The following LACTBL1 variants were observed in gnomAD, a reference collection of about 807,000 sequenced individuals.
The protein encoded by LACTBL1 is beta-lactamase-like protein 1.
In LACTBL1, 29 loss-of-function variants were observed where a neutral mutation model predicts 39.6. The ratio of observed to expected loss-of-function variants is 0.73; its 90% CI spans 0.55 to 1.00. The LOEUF (loss-of-function observed/expected upper bound fraction) is 1.00, where lower values mean the gene tolerates loss of function less well. LACTBL1 is among the 50% of genes least tolerant of loss of function. The probability of loss-of-function intolerance (pLI) is 0.00; values close to 1 mark genes in which losing one functional copy is unlikely to be tolerated. For synonymous variants in LACTBL1, 361 were observed against 360.7 expected (o/e 1.00, Z -0.01); for missense variants, 711 against 748.5 (o/e 0.95, Z 0.59).
intron 1 of LACTBL1, 34 bp from the exon 4 acceptor site, chr1:22,963,250 G>A (rs1640844081): frequency 2.5e-6 from 3 of 1,208,078 alleles, no homozygotes; most frequent in Non-Finnish European, 2.2e-6. Context: ...GGAGGGGACA[G>A]AGATCAGGAT....
In LACTBL1 at chr1:22,958,775, G is replaced by A; in HGVS notation, c.463C>T (p.Gln155Ter). 6.4e-7 allele frequency: 1 copy of A among 1,550,676 alleles called. No homozygotes were observed. The highest frequency in any genetic ancestry group is 8.7e-7 in the Non-Finnish European group (1 of 1,147,014). ...TCCAGCCCGTCCATCAGGCCCTGCT[G>A]TTCGGCTGATGCCAGGCCCAGCGGG... Residue 155 changes from glutamine to a stop codon, truncating the protein, a stop_gained, in exon 4 of 6, where the codon CAG (glutamine) becomes TAG (stop). Transcript: ENST00000426928. LOFTEE classifies it high-confidence loss of function.
upstream of LACTBL1, among the ~76,000 whole-genome samples, chr1:22,967,664 C>G (rs1044423336): frequency 9.9e-5 from 15 of 151,738 alleles, no homozygotes; most frequent in African/African-American, 2.2e-4. Flanking sequence ...GAGAGAGAGA[C>G]AGACAGACAG....
chr1:22,956,202 A>G (rs932959123), intron 4 of LACTBL1, among the ~76,000 whole-genome samples: 7 of 151,986 alleles, frequency 4.6e-5, no homozygotes, highest in Non-Finnish European at 8.8e-5. Flanking sequence ...GCAAGACCCT[A>G]TGTCTACAAA....
chr1:22,958,822 G>A (rs1640787592), exon 4 of LACTBL1: 2 of 1,550,644 alleles, frequency 1.3e-6, no homozygotes, highest in African/African-American at 1.4e-5. Flanking sequence ...GAAGGTGCTG[G>A]CATACCGCTC....
chr1:22,965,130 G>A (rs1640863614), intron 1 of LACTBL1, among the ~76,000 whole-genome samples, 160 bp downstream of exon 3: 2 of 152,164 alleles, frequency 1.3e-5, no homozygotes, highest in African/African-American at 4.8e-5. Context: ...CTGTCCCAAA[G>A]ATGCACAGCT....
intron 1 of LACTBL1, among the ~76,000 whole-genome samples, chr1:22,964,457 C>G (rs1478111265): frequency 6.6e-6 from 1 of 152,218 alleles, no homozygotes; most frequent in Non-Finnish European, 1.5e-5. Context: ...CTCAACCCGA[C>G]CCCCAAGCCG....
upstream of LACTBL1, chr1:22,965,542 A>T (rs1453394896): frequency 2.6e-6 from 1 of 379,400 alleles, no homozygotes; most frequent in Admixed American, 6.4e-5. Context: ...AAGAGCCCAC[A>T]GCTTTGGATA....
the LACTBL1 span, among the ~76,000 whole-genome samples, chr1:22,971,751 A>T: frequency 6.6e-6 from 1 of 152,354 alleles, no homozygotes. Flanking sequence ...TGCCGTTACT[A>T]GTTCTGGACA....
exon 4 of LACTBL1, chr1:22,958,749 C>T: frequency 6.4e-7 from 1 of 1,550,650 alleles, no homozygotes; most frequent in Non-Finnish European, 8.7e-7. Flanking sequence ...GGCCCACCTG[C>T]TCCAGCCCGT....
exon 6 of LACTBL1, chr1:22,953,859 C>T: frequency 1.9e-6 from 3 of 1,548,708 alleles, no homozygotes; most frequent in South Asian, 1.2e-5. Flanking sequence ...CGTAGAAGCC[C>T]GCGGCCAGGC....
chr1:22,961,810 G>C (rs555498991), intron 2 of LACTBL1, among the ~76,000 whole-genome samples: 1 of 151,348 alleles, frequency 6.6e-6, no homozygotes, highest in East Asian at 2.0e-4. Flanking sequence ...GCAGTGGCAC[G>C]ATCTCGGCTC....
chr1:22,953,601 G>A, exon 6 of LACTBL1: 1 of 1,259,736 alleles, frequency 7.9e-7, no homozygotes, highest in South Asian at 3.4e-5. Flanking sequence ...CGCCGTCCTT[G>A]CGCACCACGC....
chr1:22,967,544 TTC>T (rs140922491), upstream of LACTBL1, among the ~76,000 whole-genome samples: 2 of 148,134 alleles, frequency 1.4e-5, no homozygotes, highest in Non-Finnish European at 3.0e-5. Context: ...AAGACCCTGT[TTC>T]TCTCTCTCTC....
chr1:22,970,347 A>G, the LACTBL1 span, among the ~76,000 whole-genome samples: 1 of 152,252 alleles, frequency 6.6e-6, no homozygotes, highest in Non-Finnish European at 1.5e-5. Flanking sequence ...GAAATAAGCC[A>G]GACTAAATGG....
At chr1:22,965,562 G>A, upstream of LACTBL1, 2 of 281,984 alleles carry the variant, frequency 7.1e-6, no homozygotes, top group Non-Finnish European at 5.4e-6. Flanking sequence ...AAATTTCACA[G>A]TTGTGAAACC....
exon 6 of LACTBL1, chr1:22,953,292 C>A (rs1570496641): frequency 8.2e-7 from 1 of 1,226,644 alleles, no homozygotes; most frequent in East Asian, 3.2e-5. Context: ...ACGCTGGAGG[C>A]ACCAGCGCCT....
intron 2 of LACTBL1, among the ~76,000 whole-genome samples, chr1:22,960,569 A>T (rs1031802295): frequency 7.2e-6 from 1 of 138,234 alleles, no homozygotes; most frequent in Admixed American, 8.4e-5. Context: ...GTGAGCCAAG[A>T]TCTCGCCACT....
In LACTBL1 at chr1:22,953,700, C is replaced by T. The variant is rs1204338410; in HGVS notation, c.984G>A (p.Thr328=). Residue 328 remains threonine, a synonymous_variant, in exon 6 of 6, where the codon ACG becomes ACA. Transcript: ENST00000426928. ...GGCAGGCCAGCAGCGGCGCCAGCAG[C>T]GTCTTGGCCGCGTCGGGCCGCAGGA... The T allele has an allele frequency of 2.3e-6, 3 of 1,306,000 alleles. No homozygotes were observed. In the African/African-American group the frequency reaches 4.6e-5, roughly 20 times the overall value. The allele number at this position is 1,306,000 out of a possible 1,614,324, so 80.9% of individuals were successfully genotyped here. A position where few individuals can be genotyped will look rare whatever the true frequency, so the allele number is the denominator to read the frequency against.
chr1:22,953,222 C>G, exon 6 of LACTBL1: 1 of 1,232,082 alleles, frequency 8.1e-7, no homozygotes, highest in Non-Finnish European at 1.0e-6. Flanking sequence ...CAGGGGAACT[C>G]GTGGGCCACG....
Sources: allele counts gnomAD v4.1 joint callset (sites outside exome capture counted in the v4.1 genomes callset), GRCh38; gene constraint gnomAD v4.1.1; transcripts MANE v1.5; gene names NCBI Gene and HGNC (gene_info 2026-07-23, HGNC 2026-07-21).